Variants in FARS2 observed in about 807,000 individuals in gnomAD.
The protein encoded by FARS2 is phenylalanyl-tRNA synthetase 2, mitochondrial.
FARS2 carries 40 observed loss-of-function variants against 46.4 expected under a neutral mutation model. The observed-to-expected ratio is 0.86, with a 90% CI of 0.67 to 1.12. The LOEUF is 1.12. FARS2 is among the 50% of genes most tolerant of loss of function. The pLI is 0.00. For synonymous variants in FARS2, 234 were observed against 214.9 expected (o/e 1.09, Z -0.78); for missense variants, 513 against 567.9 (o/e 0.90, Z 0.98).
At chr6:5,758,947 G>A (rs1762349508) in intron 6 of FARS2, among the ~76,000 whole-genome samples, 1 of 151,728 alleles carries the variant, frequency 6.6e-6, no homozygotes, top group Non-Finnish European at 1.5e-5. Context: ...GATACAAATA[G>A]GAAGGGCAGA....
intron 2 of FARS2, among the ~76,000 whole-genome samples, 171 bp downstream of exon 2, chr6:5,369,353 T>C (rs977990495): frequency 6.6e-6 from 1 of 152,170 alleles, no homozygotes; most frequent in African/African-American, 2.4e-5. Flanking sequence ...CCCAGTACTT[T>C]TTGACCGCTT....
At chr6:5,341,229 ATATATATTTTTTTTTTTTT>A (rs1771609473) in intron 1 of FARS2, among the ~76,000 whole-genome samples, 2 of 4,476 alleles carry the variant, frequency 4.5e-4, no homozygotes, top group African/African-American at 1.9e-3. Flanking sequence ...ATATATATAT[ATATATATTTTTTTTTTTTT>A]TTTTTTTTTC....
At chr6:5,334,132 G>A (rs184883954) in intron 1 of FARS2, among the ~76,000 whole-genome samples, 102 of 152,270 alleles carry the variant, frequency 6.7e-4, no homozygotes, top group Non-Finnish European at 1.3e-3. Flanking sequence ...TTGGAAAGTA[G>A]GACTTTTTTT....
intron 6 of FARS2, among the ~76,000 whole-genome samples, chr6:5,717,859 T>C (rs1043779760): frequency 4.0e-5 from 6 of 151,238 alleles, no homozygotes; most frequent in Admixed American, 1.3e-4. Flanking sequence ...TTTTCTACCA[T>C]GCCCTAGTTC....
At chr6:5,515,017 C>T (rs978879655) in intron 4 of FARS2, among the ~76,000 whole-genome samples, 1 of 151,408 alleles carries the variant, frequency 6.6e-6, no homozygotes, top group Admixed American at 6.6e-5. Flanking sequence ...CTCAAGTGGT[C>T]CTCCTGGTTC....
upstream of FARS2, among the ~76,000 whole-genome samples, chr6:5,259,087 T>G (rs1458208734): frequency 6.6e-6 from 1 of 151,980 alleles, no homozygotes; most frequent in Non-Finnish European, 1.5e-5. Context: ...CTTGTCCAAG[T>G]TAGTCTTCGA....
chr6:5,603,218 C>G (rs1231688763), intron 5 of FARS2, among the ~76,000 whole-genome samples: 1 of 152,178 alleles, frequency 6.6e-6, no homozygotes, highest in Non-Finnish European at 1.5e-5. Context: ...ACCTCAGCCT[C>G]CCAAGAAGCT....
At chr6:5,341,204 TATATATATATATATATATATATATATA>T (rs1369842353) in intron 1 of FARS2, among the ~76,000 whole-genome samples, 14 of 4,714 alleles carry the variant, frequency 3.0e-3, no homozygotes, top group Non-Finnish European at 4.9e-3. Flanking sequence ...TATATATATA[TATATATATATATATATATATATATATA>T]TATATTTTTT....
chr6:5,392,735 T>C (rs555453003), intron 2 of FARS2, among the ~76,000 whole-genome samples: 2,523 of 142,254 alleles, frequency 0.018, 19 homozygotes, highest in Non-Finnish European at 0.025. Flanking sequence ...TATATATATA[T>C]ACACACACAC....
At chr6:5,584,136 C>G (rs1490074794) in intron 5 of FARS2, among the ~76,000 whole-genome samples, 5 of 151,490 alleles carry the variant, frequency 3.3e-5, no homozygotes, top group Non-Finnish European at 5.9e-5. Context: ...CACACACACA[C>G]ACACACTCCT....
chr6:5,734,978 A>G (rs1760862863), intron 6 of FARS2, among the ~76,000 whole-genome samples: 1 of 152,328 alleles, frequency 6.6e-6, no homozygotes, highest in East Asian at 1.9e-4. Flanking sequence ...AGACCACCCC[A>G]ATAAACTAAG....
At chr6:5,544,007 A>G (rs1256244485) in intron 4 of FARS2, among the ~76,000 whole-genome samples, 3 of 151,806 alleles carry the variant, frequency 2.0e-5, no homozygotes, top group African/African-American at 7.3e-5. Flanking sequence ...CCTGATCAGG[A>G]TCTTACCAGG....
chr6:5,703,616 C>T (rs576270099), intron 6 of FARS2, among the ~76,000 whole-genome samples: 1 of 152,098 alleles, frequency 6.6e-6, no homozygotes, highest in Admixed American at 6.5e-5. Flanking sequence ...TCCCTCTACC[C>T]ACACACAGAC....
intron 1 of FARS2, among the ~76,000 whole-genome samples, chr6:5,267,832 A>G (rs1377191217): frequency 1.3e-5 from 2 of 151,582 alleles, no homozygotes; most frequent in East Asian, 1.9e-4. Context: ...GTGTAAAAGT[A>G]TTCCTGTTTC....
chr6:5,536,772 C>G (rs12195596), intron 4 of FARS2, among the ~76,000 whole-genome samples: 32,978 of 152,050 alleles, frequency 0.22, 4,892 homozygotes, highest in Non-Finnish European at 0.32. Context: ...ACTTGTCTTT[C>G]CAGGTTTCTC....
At chr6:5,330,345 G>A (rs1180235449) in intron 1 of FARS2, among the ~76,000 whole-genome samples, 4 of 152,080 alleles carry the variant, frequency 2.6e-5, no homozygotes, top group African/African-American at 7.2e-5. Flanking sequence ...ACATCTCTGA[G>A]ACCTACTTCG....
intron 4 of FARS2, among the ~76,000 whole-genome samples, chr6:5,535,340 T>G: frequency 6.6e-6 from 1 of 152,276 alleles, no homozygotes; most frequent in East Asian, 1.9e-4. Flanking sequence ...GCAACATTTT[T>G]ATGTGTCGAT....
At chr6:5,398,116 T>G (rs1014251023) in intron 2 of FARS2, among the ~76,000 whole-genome samples, 34 of 152,314 alleles carry the variant, frequency 2.2e-4, no homozygotes, top group Non-Finnish European at 4.0e-4. Flanking sequence ...TTTTCCCCTT[T>G]GTAGTTAATA....
intron 1 of FARS2, among the ~76,000 whole-genome samples, chr6:5,346,872 A>G (rs1256407819): frequency 2.0e-5 from 3 of 150,668 alleles, no homozygotes; most frequent in Non-Finnish European, 4.4e-5. Context: ...AAATTTCCAT[A>G]CAGTGAACTT....
Sources: allele counts gnomAD v4.1 joint callset (sites outside exome capture counted in the v4.1 genomes callset), GRCh38; gene constraint gnomAD v4.1.1; transcripts MANE v1.5; gene names NCBI Gene and HGNC (gene_info 2026-07-23, HGNC 2026-07-21).